The following B3GNT5 variants were observed in gnomAD, a reference collection of about 807,000 sequenced individuals.
B3GNT5 encodes lactosylceramide 1,3-N-acetyl-beta-D-glucosaminyltransferase.
B3GNT5 carries 11 observed loss-of-function variants against 25.9 expected under a neutral mutation model. That is an observed-to-expected ratio of 0.42 (90% CI 0.27 to 0.70). The LOEUF (loss-of-function observed/expected upper bound fraction) is 0.70. Among genes scored for constraint, B3GNT5 ranks in the 30% least tolerant of loss-of-function variants. The pLI, the probability that B3GNT5 is intolerant of heterozygous loss-of-function variation, is 0.23. For synonymous variants in B3GNT5, 166 were observed against 158.6 expected (o/e 1.05, Z -0.35); for missense variants, 385 against 458.4 (o/e 0.84, Z 1.46).
At chr3:183,266,947 C>T (rs572836383) in intron 1 of B3GNT5, among the ~76,000 whole-genome samples, 15 of 152,160 alleles carry the variant, frequency 9.9e-5, no homozygotes, top group South Asian at 6.2e-4. Flanking sequence ...CCACCACACC[C>T]GGCTAATTTT....
chr3:183,256,370 GT>G (rs1725044510), intron 1 of B3GNT5, among the ~76,000 whole-genome samples: 3 of 152,112 alleles, frequency 2.0e-5, no homozygotes, highest in African/African-American at 7.2e-5. Context: ...TTATGTATTA[GT>G]TTACATATAT....
At position 183,267,562 on chromosome 3, in the gene B3GNT5, A is replaced by C. The variant is rs917808011; in HGVS notation, c.-301-1936A>C. On this transcript the variant is annotated intron_variant, in intron 1 of 1. Transcript: ENST00000326505. The surrounding 1 kb of genome is among the most constrained non-coding windows in gnomAD (Gnocchi z 5.5). ...GACTTGAGAACAGATCTCTGGGCACAAAGCAGGGCCTTTGCCCTGGGGCTT... is the reference window on the plus strand; with the variant it reads ...GACTTGAGAACAGATCTCTGGGCACCAAGCAGGGCCTTTGCCCTGGGGCTT... Among the ~76,000 whole-genome samples the C allele has an allele frequency of 6.6e-6, 1 of 152,230 alleles. No homozygotes were observed. The highest frequency in any genetic ancestry group is 1.5e-5 in the Non-Finnish European group (1 of 68,040).
chr3:183,270,807 A>G lies in B3GNT5; in HGVS notation c.1009A>G (p.Thr337Ala). 6.2e-7 allele frequency: 1 copy of G among 1,614,066 alleles called. No individual in the cohort carries two copies. Among genetic ancestry groups the G allele is most frequent in the Non-Finnish European group, 8.5e-7 (1 of 1,179,996 alleles). ...EDLQDLWKNA[T>A]DPKVKTISKG... ...TCTCCAGGACCTTTGGAAGAATGCT[A>G]CAGATCCTAAAGTAAAAACCATTTC... Residue 337 changes from threonine (T) to alanine (A), a missense_variant, in exon 2 of 2, where the codon ACA becomes GCA. Coordinates refer to ENST00000326505, the MANE Select transcript of B3GNT5 (RefSeq NM_032047.5). The surrounding 1 kb of genome is among the most constrained non-coding windows in gnomAD (Gnocchi z 4.5).
At position 183,269,845 on chromosome 3, in the gene B3GNT5, T is replaced by C. The variant is rs749779170; in HGVS notation, c.47T>C (p.Ile16Thr). 1 of 1,613,042 alleles carries C rather than the reference T, an allele frequency of 6.2e-7. No homozygotes were observed. The highest frequency in any genetic ancestry group is 1.3e-5 in the African/African-American group (1 of 74,950). Reference sequence around the variant, plus strand: ...AGAAGAGTCAAAAAATGGCAGTTAATTATTCAGTTATTTGCTACTTGTTTT... The same window carrying C: ...AGAAGAGTCAAAAAATGGCAGTTAACTATTCAGTTATTTGCTACTTGTTTT... ...SGRRVKKWQL[I>T]IQLFATCFLA... Residue 16 changes from isoleucine to threonine, a missense_variant, in exon 2 of 2, where the codon ATT (isoleucine) becomes ACT (threonine). Coordinates refer to ENST00000326505, the MANE Select transcript of B3GNT5 (RefSeq NM_032047.5).
chr3:183,261,475 T>G (rs957931708), intron 1 of B3GNT5, among the ~76,000 whole-genome samples: 6 of 152,106 alleles, frequency 3.9e-5, no homozygotes, highest in African/African-American at 1.4e-4. Flanking sequence ...AGTTTAAATG[T>G]AAAAGATATA....
chr3:183,269,444 A>G (rs16857223), intron 1 of B3GNT5, 54 bp from the exon 2 acceptor site: 4,030 of 199,956 alleles, frequency 0.02, 179 homozygotes, highest in African/African-American at 0.087. Flanking sequence ...GTTTCTTTCC[A>G]GCACCTTAGT....
rs1726832631 is a variant in B3GNT5, at chr3:183,272,161, C to G, written c.*1226C>G. 4 of 1,000,118 alleles carry G rather than the reference C, an allele frequency of 4.0e-6. No individual in the cohort carries two copies. The highest frequency in any genetic ancestry group is 5.2e-4 in the Middle Eastern group (1 of 1,938). The allele number at this position is 1,000,118 out of a possible 1,614,324, so 62.0% of individuals were successfully genotyped here. The stretch of plus-strand genomic sequence containing the variant: ...TAAAGCATTTTTAAAGCTGCATGTT[C>G]CTTGTAATCAAAGAGATGTGTCTGA... On this transcript the variant is annotated 3_prime_UTR_variant, in exon 2 of 2. Transcript: ENST00000326505.
In B3GNT5 at chr3:183,271,216, A is replaced by C. The variant is rs554069497; in HGVS notation, c.*281A>C. On this transcript the variant is annotated 3_prime_UTR_variant, in exon 2 of 2. Transcript: ENST00000326505. Reference sequence around the variant, plus strand: ...CAAGTTCTCATGTAATGCCACATATATACTTGAGGTGTAGAGATGTTATTA... The same window carrying C: ...CAAGTTCTCATGTAATGCCACATATCTACTTGAGGTGTAGAGATGTTATTA... 7.1e-5 allele frequency: 19 copies of C among 267,094 alleles called. No homozygotes were observed. Among genetic ancestry groups the C allele is most frequent in the Non-Finnish European group, 1.4e-4 (19 of 133,562 alleles). 16.5% of individuals were successfully genotyped at this position (267,094 alleles called of 1,614,324 possible). A position where few individuals can be genotyped will look rare whatever the true frequency, so the allele number is the denominator to read the frequency against.
At chr3:183,260,765 C>T (rs1725511368) in intron 1 of B3GNT5, among the ~76,000 whole-genome samples, 1 of 151,830 alleles carries the variant, frequency 6.6e-6, no homozygotes, top group South Asian at 2.1e-4. Context: ...CCTGGATTCA[C>T]ATTGTAGGTT....
chr3:183,264,551 A>G (rs1372449032), intron 1 of B3GNT5, among the ~76,000 whole-genome samples: 1 of 152,260 alleles, frequency 6.6e-6, no homozygotes, highest in African/African-American at 2.4e-5. Context: ...GAACCCGCAG[A>G]GTAAATACTC....
chr3:183,257,958 C>CTTTTTTTTTTTTT lies in B3GNT5; in HGVS notation c.-302+4501_-302+4513dup, dbSNP rs35323502. ...TATTCCTTGCTCCCTCCACTTCACC[C>CTTTTTTTTTTTTT]TTTTTTTTTTTTTTTTTTTTTTTTT... is the stretch of plus-strand genomic sequence containing the variant. On this transcript the variant is annotated intron_variant, in intron 1 of 1. Coordinates refer to ENST00000326505, the MANE Select transcript of B3GNT5 (RefSeq NM_032047.5). Among the ~76,000 whole-genome samples, 90 of 64,746 alleles carry CTTTTTTTTTTTTT rather than the reference C, an allele frequency of 1.4e-3. 20 individuals carry two copies. Among genetic ancestry groups the CTTTTTTTTTTTTT allele is most frequent in the African/African-American group, 5.1e-3 (74 of 14,404 alleles). The allele number at this position is 64,746 out of a possible 152,430, so 42.5% of individuals were successfully genotyped here.
chr3:183,255,841 A>T (rs1201510169), intron 1 of B3GNT5, among the ~76,000 whole-genome samples: 2 of 152,056 alleles, frequency 1.3e-5, no homozygotes, highest in African/African-American at 4.8e-5. Context: ...AAACTTTCTA[A>T]TTCTCAAAAA....
In B3GNT5 at chr3:183,271,738, C is replaced by T. The variant is rs1233797301; in HGVS notation, c.*803C>T. ...AATTCAAATAAGCTGATTTTAATGA[C>T]GTTTTCAACTGGTTTTTAAATATTC... On this transcript the variant is annotated 3_prime_UTR_variant, in exon 2 of 2. Coordinates refer to ENST00000326505, the MANE Select transcript of B3GNT5 (RefSeq NM_032047.5). The T allele has an allele frequency of 1.8e-5, 3 of 166,692 alleles. No homozygotes were observed. Among genetic ancestry groups the T allele is most frequent in the Non-Finnish European group, 2.9e-5 (2 of 68,070 alleles). The allele number at this position is 166,692 out of a possible 1,614,324, so 10.3% of individuals were successfully genotyped here. A position where few individuals can be genotyped will look rare whatever the true frequency, so the allele number is the denominator to read the frequency against.
At chr3:183,258,060 T>C (rs1395798649) in intron 1 of B3GNT5, among the ~76,000 whole-genome samples, 1 of 131,438 alleles carries the variant, frequency 7.6e-6, no homozygotes, top group Non-Finnish European at 1.6e-5. Context: ...CTCCGCCTCC[T>C]GGGTTCAAGC....
intron 1 of B3GNT5, among the ~76,000 whole-genome samples, chr3:183,266,552 C>T (rs944120495): frequency 1.3e-5 from 2 of 152,176 alleles, no homozygotes; most frequent in African/African-American, 4.8e-5. Flanking sequence ...TGTTTTGGGG[C>T]TTCAGAGGAT....
Position 183,273,165 on chromosome 3 carries a change from T to C in B3GNT5, c.*2230T>C, listed in dbSNP as rs147029834. 154 of 543,128 alleles carry C rather than the reference T, an allele frequency of 2.8e-4. No individual in the cohort carries two copies. Among genetic ancestry groups the C allele is most frequent in the Non-Finnish European group, 4.0e-4 (125 of 311,646 alleles). The allele number at this position is 543,128 out of a possible 1,614,324, so 33.6% of individuals were successfully genotyped here. On this transcript the variant is annotated 3_prime_UTR_variant, in exon 2 of 2. Transcript: ENST00000326505. ...TTAAAAAATGTCAACAAAGGGAAAA[T>C]AAACTATCAGCTTGGATGGTCACTT...
At chr3:183,253,661 G>C (rs931101602) in intron 1 of B3GNT5, 189 bp downstream of exon 1, 2 of 152,336 alleles carry the variant, frequency 1.3e-5, no homozygotes, top group Non-Finnish European at 2.9e-5. Flanking sequence ...CTGCGTTAGA[G>C]CTCCCGCTCG....
chr3:183,263,409 A>G (rs1262791878), intron 1 of B3GNT5, among the ~76,000 whole-genome samples: 2 of 152,060 alleles, frequency 1.3e-5, no homozygotes, highest in African/African-American at 2.4e-5. Context: ...TATATGGTCA[A>G]TGTCTCTCTT....
intron 1 of B3GNT5, among the ~76,000 whole-genome samples, chr3:183,264,615 A>G (rs991224821): frequency 2.0e-5 from 3 of 152,218 alleles, no homozygotes; most frequent in Non-Finnish European, 4.4e-5. Flanking sequence ...TTTAACTTGT[A>G]CTTAGAAGTG....
Sources: gnomAD v4.1 joint callset for allele counts (sites outside exome capture counted in the v4.1 genomes callset) on GRCh38, gnomAD v4.1.1 for gene constraint, Gnocchi (gnomAD v3.1) non-coding constraint, MANE v1.5 for transcripts, NCBI Gene and HGNC (gene_info 2026-07-23, HGNC 2026-07-21) for gene names.